Variants in RCAN2 observed in about 807,000 individuals in gnomAD.
RCAN2 encodes calcipressin-2.
RCAN2 carries 9 observed loss-of-function variants against 23.6 expected under a neutral mutation model. The observed-to-expected ratio is 0.38, with a 90% confidence interval of 0.23 to 0.67. RCAN2 has a LOEUF of 0.67. Ranked by LOEUF, RCAN2 falls within the 30% of genes least tolerant of loss-of-function variation. RCAN2 has a pLI of 0.51. For synonymous variants in RCAN2, 109 were observed against 115.7 expected (o/e 0.94, Z 0.37); for missense variants, 273 against 302.3 (o/e 0.90, Z 0.72).
At chr6:46,257,010 T>C (rs950277541) in intron 2 of RCAN2, among the ~76,000 whole-genome samples, 1 of 152,194 alleles carries the variant, frequency 6.6e-6, no homozygotes, top group African/African-American at 2.4e-5. Flanking sequence ...GAAGGATCTG[T>C]CCAGCATCCT....
chr6:46,337,215 C>A (rs1409458295), intron 2 of RCAN2, among the ~76,000 whole-genome samples: 2 of 151,988 alleles, frequency 1.3e-5, no homozygotes, highest in African/African-American at 4.8e-5. Context: ...TTACTTCTTA[C>A]AATGGTAAGA....
At chr6:46,278,519 G>A (rs1444841535) in intron 2 of RCAN2, among the ~76,000 whole-genome samples, 1 of 152,064 alleles carries the variant, frequency 6.6e-6, no homozygotes, top group East Asian at 1.9e-4. Flanking sequence ...TTCTATAACT[G>A]CTGTACAATT....
chr6:46,259,631 C>T lies in RCAN2; in HGVS notation c.226-10735G>A, dbSNP rs187531029. Reference sequence around the variant, plus strand: ...CTGTAGACACCCACTGGATGTCTTACGCTTTAACTCAATTCTGACTCTATC... The same window carrying T: ...CTGTAGACACCCACTGGATGTCTTATGCTTTAACTCAATTCTGACTCTATC... On this transcript the variant is annotated intron_variant, in intron 2 of 4. Coordinates refer to ENST00000371374, the MANE Select transcript of RCAN2 (RefSeq NM_001251974.2). Among the ~76,000 whole-genome samples the T allele has an allele frequency of 5.1e-4, 77 of 152,292 alleles. No individual in the cohort carries two copies. The East Asian group carries it at 0.01, about 21-fold the overall frequency.
intron 3 of RCAN2, among the ~76,000 whole-genome samples, chr6:46,247,588 T>A (rs531203969): frequency 6.6e-6 from 1 of 152,368 alleles, no homozygotes; most frequent in East Asian, 1.9e-4. Context: ...GTCCTATAAG[T>A]AGAATCACAG....
intron 1 of RCAN2, among the ~76,000 whole-genome samples, chr6:46,487,019 G>T (rs868484072): frequency 6.6e-6 from 1 of 152,098 alleles, no homozygotes; most frequent in Non-Finnish European, 1.5e-5. Context: ...AAAGACACAA[G>T]AACAGTGAAC....
intron 2 of RCAN2, among the ~76,000 whole-genome samples, chr6:46,294,027 G>T (rs1432468623): frequency 6.6e-6 from 1 of 152,126 alleles, no homozygotes; most frequent in Non-Finnish European, 1.5e-5. Flanking sequence ...AGTCAAGGGC[G>T]TGATGATTGG....
chr6:46,309,670 CAATTGGAG>C (rs1763191031), intron 2 of RCAN2, among the ~76,000 whole-genome samples: 1 of 152,166 alleles, frequency 6.6e-6, no homozygotes, highest in Non-Finnish European at 1.5e-5. Flanking sequence ...TGGAGTGGCT[CAATTGGAG>C]AGTGCTTGCT....
At chr6:46,355,974 C>T (rs1764818134) in intron 2 of RCAN2, among the ~76,000 whole-genome samples, 1 of 152,212 alleles carries the variant, frequency 6.6e-6, no homozygotes, top group Admixed American at 6.5e-5. Flanking sequence ...GCACCCCATC[C>T]TGCTGCCTCC....
intron 2 of RCAN2, among the ~76,000 whole-genome samples, chr6:46,400,430 C>T (rs1261458203): frequency 6.6e-6 from 1 of 152,180 alleles, no homozygotes; most frequent in East Asian, 1.9e-4. Flanking sequence ...AGTTCCCTGG[C>T]TGCTGATGCT....
chr6:46,306,575 T>A (rs1449985706), intron 2 of RCAN2, among the ~76,000 whole-genome samples: 7 of 152,186 alleles, frequency 4.6e-5, no homozygotes, highest in Non-Finnish European at 1.0e-4. Context: ...TAGGACAGCC[T>A]ACTGGTAAAC....
At chr6:46,289,583 G>A (rs1355807494) in intron 2 of RCAN2, among the ~76,000 whole-genome samples, 1 of 152,244 alleles carries the variant, frequency 6.6e-6, no homozygotes, top group African/African-American at 2.4e-5. Flanking sequence ...CAGACAGTAT[G>A]TAAGATGACA....
At chr6:46,399,962 C>CA (rs1766203697) in intron 2 of RCAN2, among the ~76,000 whole-genome samples, 1 of 152,190 alleles carries the variant, frequency 6.6e-6, no homozygotes, top group African/African-American at 2.4e-5. Flanking sequence ...TTCCTGCACA[C>CA]AAAATCCCTG....
chr6:46,353,352 T>C (rs1867015), intron 2 of RCAN2, among the ~76,000 whole-genome samples: 2 of 151,686 alleles, frequency 1.3e-5, no homozygotes, highest in African/African-American at 4.8e-5. Flanking sequence ...TTTTTGGGTG[T>C]GGGGGAGGAG....
chr6:46,346,915 A>G (rs979131597), intron 2 of RCAN2, among the ~76,000 whole-genome samples: 1 of 152,090 alleles, frequency 6.6e-6, no homozygotes, highest in Non-Finnish European at 1.5e-5. Flanking sequence ...TCGCTCTGTC[A>G]CCCAGGCTGG....
intron 2 of RCAN2, chr6:46,325,733 A>ATT (rs201861547): frequency 1.6e-6 from 2 of 1,264,924 alleles, no homozygotes; most frequent in East Asian, 3.4e-5. Context: ...AGCTGAAGCT[A>ATT]TTTTTTTTTC....
chr6:46,337,160 A>AT (rs1361557665), intron 2 of RCAN2, among the ~76,000 whole-genome samples: 1 of 151,926 alleles, frequency 6.6e-6, no homozygotes, highest in Non-Finnish European at 1.5e-5. Flanking sequence ...TGTTAAAAAA[A>AT]AGCAAAAAAA....
chr6:46,385,595 G>A (rs1296865327), intron 2 of RCAN2, among the ~76,000 whole-genome samples: 1 of 152,086 alleles, frequency 6.6e-6, no homozygotes, highest in East Asian at 1.9e-4. Context: ...AGTGGCTCAT[G>A]CCTGTAATCC....
At chr6:46,273,444 T>C (rs571991340) in intron 2 of RCAN2, among the ~76,000 whole-genome samples, 1 of 152,352 alleles carries the variant, frequency 6.6e-6, no homozygotes, top group African/African-American at 2.4e-5. Flanking sequence ...ATTATATCAT[T>C]GATGTTCATA....
intron 2 of RCAN2, among the ~76,000 whole-genome samples, chr6:46,363,970 G>C (rs114297745): frequency 3.9e-5 from 6 of 152,252 alleles, no homozygotes; most frequent in African/African-American, 7.2e-5. Flanking sequence ...TTCCATAGTA[G>C]GGTAGGAATA....
Sources: allele counts gnomAD v4.1 joint callset (sites outside exome capture counted in the v4.1 genomes callset), GRCh38; gene constraint gnomAD v4.1.1; transcripts MANE v1.5; gene names NCBI Gene and HGNC (gene_info 2026-07-23, HGNC 2026-07-21).